The following PARD3B variants were observed in gnomAD, a reference collection of about 807,000 sequenced individuals.
The protein encoded by PARD3B is par-3 family cell polarity regulator beta, also known as partitioning defective 3 homolog B.
Under a neutral mutation model 130.2 loss-of-function variants are expected in PARD3B, and 103 were observed. That is an observed-to-expected ratio of 0.79 (90% CI 0.67 to 0.93). The LOEUF is 0.93. Ranked by LOEUF, PARD3B falls within the 40% of genes least tolerant of loss-of-function variation. The probability of loss-of-function intolerance (pLI) is 0.00; values close to 1 mark genes in which losing one functional copy is unlikely to be tolerated. For synonymous variants in PARD3B, 583 were observed against 553.2 expected, an observed-to-expected ratio of 1.05 and a Z score of -0.76; for missense variants, 1,609 against 1,499.2, an observed-to-expected ratio of 1.07 and a Z score of -1.21.
At chr2:204,780,943 A>G (rs1162004822) in intron 2 of PARD3B, among the ~76,000 whole-genome samples, 1 of 152,098 alleles carries the variant, frequency 6.6e-6, no homozygotes, top group East Asian at 1.9e-4. Context: ...TGCTGTCTGA[A>G]TGGGGGTGAC....
At chr2:204,688,940 A>G (rs919233072) in intron 2 of PARD3B, among the ~76,000 whole-genome samples, 1 of 152,136 alleles carries the variant, frequency 6.6e-6, no homozygotes, top group Non-Finnish European at 1.5e-5. Context: ...ACCCCAAAAT[A>G]TCTCACCTCC....
chr2:204,794,373 T>G (rs957308127), intron 2 of PARD3B, among the ~76,000 whole-genome samples: 1 of 152,236 alleles, frequency 6.6e-6, no homozygotes, highest in Non-Finnish European at 1.5e-5. Flanking sequence ...GATGTCATGA[T>G]GCACTAGCGT....
chr2:204,988,974 T>A (rs768743061), intron 3 of PARD3B, among the ~76,000 whole-genome samples: 1 of 152,248 alleles, frequency 6.6e-6, no homozygotes, highest in Non-Finnish European at 1.5e-5. Context: ...ATTTATCAGG[T>A]ACTGTTCATG....
chr2:205,551,969 G>T (rs2052665367), intron 21 of PARD3B, among the ~76,000 whole-genome samples: 1 of 152,210 alleles, frequency 6.6e-6, no homozygotes, highest in African/African-American at 2.4e-5. Context: ...TGGTCCATGT[G>T]ATACCAAGTG....
chr2:205,214,717 T>C (rs2037824454), intron 15 of PARD3B, among the ~76,000 whole-genome samples: 1 of 152,064 alleles, frequency 6.6e-6, no homozygotes, highest in Non-Finnish European at 1.5e-5. Flanking sequence ...CTGAGAAACA[T>C]TAAAAGGCCC....
At chr2:204,987,861 G>A (rs183238201) in intron 3 of PARD3B, among the ~76,000 whole-genome samples, 13 of 152,186 alleles carry the variant, frequency 8.5e-5, no homozygotes, top group East Asian at 5.8e-4. Flanking sequence ...AGCTTTTTGG[G>A]GGGAATTCAT....
chr2:205,113,902 G>T (rs1286709020), intron 6 of PARD3B, among the ~76,000 whole-genome samples: 2 of 152,052 alleles, frequency 1.3e-5, no homozygotes, highest in Non-Finnish European at 2.9e-5. Context: ...TGTTGCAACT[G>T]AATTTTTTAA....
intron 2 of PARD3B, among the ~76,000 whole-genome samples, chr2:204,947,025 G>A (rs929309518): frequency 6.6e-6 from 1 of 152,168 alleles, no homozygotes; most frequent in East Asian, 1.9e-4. Flanking sequence ...CACCCACTTT[G>A]GGAAGGGCAG....
At chr2:205,040,244 A>G (rs1472339984) in intron 3 of PARD3B, among the ~76,000 whole-genome samples, 3 of 152,146 alleles carry the variant, frequency 2.0e-5, no homozygotes, top group African/African-American at 7.2e-5. Context: ...TTATAGGCAT[A>G]AGCCACCACG....
chr2:205,254,690 G>T (rs2039997172), intron 16 of PARD3B, among the ~76,000 whole-genome samples: 1 of 149,550 alleles, frequency 6.7e-6, no homozygotes, highest in South Asian at 2.1e-4. Flanking sequence ...TTGAGATGGA[G>T]TCTCGCTCTG....
intron 18 of PARD3B, among the ~76,000 whole-genome samples, chr2:205,311,261 T>C (rs1394967854): frequency 1.3e-5 from 2 of 152,244 alleles, no homozygotes; most frequent in African/African-American, 4.8e-5. Flanking sequence ...TTTTCCATGA[T>C]GGCTGTAATA....
intron 4 of PARD3B, among the ~76,000 whole-genome samples, chr2:205,073,172 T>G (rs1700843793): frequency 6.6e-6 from 1 of 152,136 alleles, no homozygotes; most frequent in Non-Finnish European, 1.5e-5. Context: ...GAATAAATGG[T>G]TATTTGTGTG....
chr2:204,588,524 T>C (rs529321980), intron 1 of PARD3B, among the ~76,000 whole-genome samples: 50 of 152,330 alleles, frequency 3.3e-4, no homozygotes, highest in African/African-American at 1.2e-3. Flanking sequence ...TTGGTTTCTT[T>C]TACAGTTTTC....
chr2:204,588,551 T>C (rs1300051093), intron 1 of PARD3B, among the ~76,000 whole-genome samples: 2 of 152,176 alleles, frequency 1.3e-5, no homozygotes, highest in Non-Finnish European at 2.9e-5. Flanking sequence ...ACTACATCAT[T>C]GTATTTGGTA....
intron 2 of PARD3B, among the ~76,000 whole-genome samples, chr2:204,780,683 T>G (rs2041804296): frequency 6.6e-6 from 1 of 152,134 alleles, no homozygotes; most frequent in African/African-American, 2.4e-5. Context: ...TTATAGTGCA[T>G]AGAAGCTACG....
At chr2:204,919,188 C>A (rs1383406173) in intron 2 of PARD3B, among the ~76,000 whole-genome samples, 2 of 152,068 alleles carry the variant, frequency 1.3e-5, no homozygotes, top group African/African-American at 4.8e-5. Flanking sequence ...GACATCCATA[C>A]ACTTCCCTCC....
intron 15 of PARD3B, among the ~76,000 whole-genome samples, chr2:205,237,598 T>G (rs1420285049): frequency 2.0e-5 from 3 of 151,956 alleles, no homozygotes; most frequent in African/African-American, 4.8e-5. Flanking sequence ...AAGTATTCAG[T>G]TTTTTTTAGA....
chr2:204,977,515 G>A (rs1477842608), intron 3 of PARD3B, among the ~76,000 whole-genome samples: 2 of 152,182 alleles, frequency 1.3e-5, no homozygotes, highest in East Asian at 3.9e-4. Context: ...GAAAAGAATA[G>A]GGAGCCTTGG....
intron 3 of PARD3B, among the ~76,000 whole-genome samples, chr2:205,026,843 G>A (rs1266542685): frequency 1.3e-5 from 2 of 152,090 alleles, no homozygotes; most frequent in Non-Finnish European, 2.9e-5. Flanking sequence ...CCATGATGTT[G>A]CAAATTGCAA....
Sources: allele counts gnomAD v4.1 joint callset (sites outside exome capture counted in the v4.1 genomes callset), GRCh38; gene constraint gnomAD v4.1.1; transcripts MANE v1.5; gene names NCBI Gene and HGNC (gene_info 2026-07-23, HGNC 2026-07-21).